Variants in OSBPL10 observed in about 807,000 individuals in gnomAD.
The protein encoded by OSBPL10 is oxysterol-binding protein-related protein 10.
Under a neutral mutation model 81.7 loss-of-function variants are expected in OSBPL10, and 49 were observed. The ratio of observed to expected loss-of-function variants is 0.60; its 90% CI spans 0.48 to 0.76. The LOEUF is 0.76. Among genes scored for constraint, OSBPL10 ranks in the 30% least tolerant of loss-of-function variants. The pLI is 0.00. For synonymous variants in OSBPL10, 419 were observed against 383.6 expected (o/e 1.09, Z -1.08); for missense variants, 923 against 987.8 (o/e 0.93, Z 0.88).
At chr3:32,027,669 T>C (rs1204284855) in intron 2 of OSBPL10, among the ~76,000 whole-genome samples, 1 of 152,206 alleles carries the variant, frequency 6.6e-6, no homozygotes, top group Admixed American at 6.5e-5. Context: ...AGGGTCTCAC[T>C]ATGTTGCCAG....
At chr3:31,835,260 G>A (rs1196479959) in intron 3 of OSBPL10, among the ~76,000 whole-genome samples, 1 of 152,108 alleles carries the variant, frequency 6.6e-6, no homozygotes, top group African/African-American at 2.4e-5. Flanking sequence ...AGAAAGCAAA[G>A]TTCCCTATAA....
At chr3:31,711,686 G>T (rs1055111076) in intron 6 of OSBPL10, among the ~76,000 whole-genome samples, 3 of 152,202 alleles carry the variant, frequency 2.0e-5, no homozygotes, top group African/African-American at 7.2e-5. Context: ...GGTTGCCAGA[G>T]GCTGCGAGGA....
chr3:31,977,648 T>C (rs1360439208), intron 1 of OSBPL10, among the ~76,000 whole-genome samples: 1 of 152,214 alleles, frequency 6.6e-6, no homozygotes, highest in Non-Finnish European at 1.5e-5. Flanking sequence ...CTTAAAATTA[T>C]TCCTGCAAAT....
intron 2 of OSBPL10, chr3:31,990,740 A>T (rs770476566): frequency 1.2e-6 from 2 of 1,613,674 alleles, no homozygotes; most frequent in African/African-American, 1.3e-5. Flanking sequence ...TCACACCATG[A>T]AACACATAAG....
chr3:31,734,306 C>T (rs555651465), intron 5 of OSBPL10, among the ~76,000 whole-genome samples: 15 of 152,226 alleles, frequency 9.9e-5, no homozygotes, highest in East Asian at 7.7e-4. Context: ...CAACTCCCTT[C>T]GGGGGAGGGG....
chr3:31,883,577 G>A (rs1695652543), intron 1 of OSBPL10, among the ~76,000 whole-genome samples: 1 of 146,314 alleles, frequency 6.8e-6, no homozygotes, highest in Non-Finnish European at 1.5e-5. Flanking sequence ...GCTCTGTTAG[G>A]CAGGACTGCA....
At chr3:31,803,765 A>G (rs892090672) in intron 4 of OSBPL10, among the ~76,000 whole-genome samples, 2 of 152,176 alleles carry the variant, frequency 1.3e-5, no homozygotes, top group African/African-American at 4.8e-5. Flanking sequence ...TAAAAGTCCA[A>G]GCCAGTTATT....
At chr3:31,776,228 C>A (rs992263297) in intron 4 of OSBPL10, among the ~76,000 whole-genome samples, 35 of 152,104 alleles carry the variant, frequency 2.3e-4, no homozygotes, top group African/African-American at 8.0e-4. Flanking sequence ...TGCCCAACAT[C>A]ATTACTCATG....
At chr3:31,787,105 G>C (rs1698878822) in intron 4 of OSBPL10, among the ~76,000 whole-genome samples, 2 of 152,162 alleles carry the variant, frequency 1.3e-5, no homozygotes, top group Non-Finnish European at 2.9e-5. Flanking sequence ...TATGGTTGTT[G>C]CCTCCTTACT....
At chr3:31,700,384 C>A (rs1695855349) in intron 7 of OSBPL10, 1 of 151,936 alleles carries the variant, frequency 6.6e-6, no homozygotes, top group Non-Finnish European at 1.5e-5. Context: ...AATATAGTCC[C>A]CTCAATATTT....
intron 4 of OSBPL10, among the ~76,000 whole-genome samples, chr3:31,758,441 G>A (rs376813900): frequency 1.3e-5 from 2 of 152,138 alleles, no homozygotes; most frequent in East Asian, 1.9e-4. Flanking sequence ...GTCCAACTCC[G>A]TCTCTAACTG....
intron 4 of OSBPL10, among the ~76,000 whole-genome samples, chr3:31,818,469 A>T (rs1699903121): frequency 6.6e-6 from 1 of 152,152 alleles, no homozygotes; most frequent in Non-Finnish European, 1.5e-5. Context: ...ATACAGGCAC[A>T]CGCACATACA....
chr3:31,901,993 G>A (rs1696256280), intron 1 of OSBPL10, among the ~76,000 whole-genome samples: 1 of 152,094 alleles, frequency 6.6e-6, no homozygotes, highest in African/African-American at 2.4e-5. Context: ...TTGCACCACT[G>A]CACTCCAGCC....
At chr3:32,011,221 C>T (rs1007078532) in intron 2 of OSBPL10, among the ~76,000 whole-genome samples, 4 of 152,286 alleles carry the variant, frequency 2.6e-5, no homozygotes, top group Non-Finnish European at 4.4e-5. Flanking sequence ...CTCACACAGC[C>T]GGGTACTCCT....
chr3:31,709,653 G>A (rs575654115), intron 6 of OSBPL10, among the ~76,000 whole-genome samples: 7 of 152,282 alleles, frequency 4.6e-5, no homozygotes, highest in African/African-American at 1.4e-4. Flanking sequence ...AAGAAGCAGC[G>A]GCAAATGAAG....
chr3:31,711,943 G>GA (rs1165948383), intron 6 of OSBPL10, among the ~76,000 whole-genome samples: 2 of 152,166 alleles, frequency 1.3e-5, no homozygotes, highest in Admixed American at 6.5e-5. Flanking sequence ...AGGCCAGGAG[G>GA]AAGGGCGTGC....
At chr3:31,799,977 G>T (rs563140126) in intron 4 of OSBPL10, among the ~76,000 whole-genome samples, 1 of 152,188 alleles carries the variant, frequency 6.6e-6, no homozygotes, top group Non-Finnish European at 1.5e-5. Flanking sequence ...CAGAGTGCTG[G>T]GATTACAGGC....
At chr3:31,831,864 C>T (rs111369563) in intron 3 of OSBPL10, among the ~76,000 whole-genome samples, 25 of 152,292 alleles carry the variant, frequency 1.6e-4, no homozygotes, top group African/African-American at 4.8e-4. Flanking sequence ...CCAGCAATCC[C>T]GTGTCTGGGA....
chr3:32,036,841 A>G (rs1196160861), intron 2 of OSBPL10, among the ~76,000 whole-genome samples: 1 of 151,924 alleles, frequency 6.6e-6, no homozygotes, highest in African/African-American at 2.4e-5. Context: ...AAAAAGAAAA[A>G]GAAAAAAACC....
Sources: allele counts gnomAD v4.1 joint callset (sites outside exome capture counted in the v4.1 genomes callset), GRCh38; gene constraint gnomAD v4.1.1; transcripts MANE v1.5; gene names NCBI Gene and HGNC (gene_info 2026-07-23, HGNC 2026-07-21).